Variants in PCNX1 observed in about 807,000 individuals in gnomAD.
PCNX1 encodes the protein pecanex 1.
A neutral mutation model predicts 242.2 loss-of-function variants in PCNX1; 78 were observed. The ratio of observed to expected loss-of-function variants is 0.32; its 90% CI spans 0.27 to 0.39. The LOEUF is 0.39. Among genes scored for constraint, PCNX1 ranks in the 10% least tolerant of loss-of-function variants. PCNX1 has a pLI of 1.00. For missense variants in PCNX1, 2,581 were observed against 2,856.5 expected (o/e 0.90, Z 2.20); for synonymous variants, 1,024 against 1,032.9 (o/e 0.99, Z 0.17).
intron 26 of PCNX1, among the ~76,000 whole-genome samples, chr14:71,063,934 T>A (rs2061384817): frequency 6.6e-6 from 1 of 152,192 alleles, no homozygotes; most frequent in Admixed American, 6.5e-5. Context: ...CAGAATTTTC[T>A]GATTACACTT....
Position 71,033,930 on chromosome 14 carries a change from G to A in PCNX1, c.3669-1G>A. 6.6e-7 allele frequency: 1 copy of A among 1,505,264 alleles called. No individual in the cohort carries two copies. Among genetic ancestry groups the A allele is most frequent in the Non-Finnish European group, 9.1e-7 (1 of 1,095,912 alleles). The allele number at this position is 1,505,264 out of a possible 1,614,324, so 93.2% of individuals were successfully genotyped here. A position where few individuals can be genotyped will look rare whatever the true frequency, so the allele number is the denominator to read the frequency against. ...TTCTGTTTTTTTTTCTTCACATAAA[G>A]CTCTTTAGTGCAATCCAAGATTTTT... On this transcript the variant is annotated splice_acceptor_variant, in intron 17 of 35. Coordinates refer to ENST00000304743, the MANE Select transcript of PCNX1 (RefSeq NM_014982.3). LOFTEE classifies it high-confidence loss of function.
chr14:70,987,340 A>G (rs1265575387), intron 6 of PCNX1, among the ~76,000 whole-genome samples: 11 of 152,338 alleles, frequency 7.2e-5, no homozygotes, highest in East Asian at 3.9e-4. Flanking sequence ...TGATTCATCA[A>G]TCTCAGGAAC....
At chr14:70,911,614 T>G (rs769528753) in intron 1 of PCNX1, among the ~76,000 whole-genome samples, 1 of 152,130 alleles carries the variant, frequency 6.6e-6, no homozygotes, top group Non-Finnish European at 1.5e-5. Flanking sequence ...AGATTGGAAT[T>G]AGTGTCTTGA....
chr14:71,047,133 C>A, intron 21 of PCNX1, 28 bp downstream of exon 21: 1 of 1,354,438 alleles, frequency 7.4e-7, no homozygotes, highest in South Asian at 1.5e-5. Flanking sequence ...CTAATATTGT[C>A]TGACTACTGG....
chr14:70,931,565 A>G (rs907832299), intron 1 of PCNX1, among the ~76,000 whole-genome samples: 1 of 152,260 alleles, frequency 6.6e-6, no homozygotes, highest in Non-Finnish European at 1.5e-5. Context: ...TGTCTAGGGC[A>G]TAAGGCATAC....
chr14:71,029,145 T>C (rs533462436), intron 16 of PCNX1, among the ~76,000 whole-genome samples: 3 of 152,234 alleles, frequency 2.0e-5, no homozygotes, highest in Admixed American at 2.0e-4. Context: ...ATTAGTTTTT[T>C]TAAACTTATA....
Position 71,070,232 on chromosome 14 carries a change from C to A in PCNX1, c.4853-3313C>A, listed in dbSNP as rs116332033. Among the ~76,000 whole-genome samples, 720 of 152,332 alleles carry A rather than the reference C, an allele frequency of 4.7e-3. 7 individuals are homozygous for A. Among genetic ancestry groups the A allele is most frequent in the African/African-American group, 0.017 (688 of 41,576 alleles). ...TCTCTTGCTATTCCTGCCATATCTG[C>A]AATTACTTCCACCACTGAAGTCTTG... On this transcript the variant is annotated intron_variant, in intron 26 of 35. Coordinates refer to ENST00000304743, the MANE Select transcript of PCNX1 (RefSeq NM_014982.3).
At position 71,046,956 on chromosome 14, in the gene PCNX1, CT is replaced by C. The variant is rs1566743611; in HGVS notation, c.4019-6del. 1 of 1,601,822 alleles carries C rather than the reference CT, an allele frequency of 6.2e-7. No individual in the cohort carries two copies. The highest frequency in any genetic ancestry group is 8.5e-7 in the Non-Finnish European group (1 of 1,174,038). On this transcript the variant is annotated splice_region_variant and splice_polypyrimidine_tract_variant and intron_variant, in intron 20 of 35. Coordinates refer to ENST00000304743, the MANE Select transcript of PCNX1 (RefSeq NM_014982.3). ...GACATGTAGTCTTGATTTATACTGC[CT>C]TGTTAGATGCAGCCACTATGATGTG...
At chr14:71,046,910 T>C (rs1202650345) in intron 20 of PCNX1, 54 bp from the exon 21 acceptor site, 5 of 1,439,792 alleles carry the variant, frequency 3.5e-6, no homozygotes, top group South Asian at 3.0e-5. Context: ...TCTCATCACA[T>C]TGACAAACTA....
chr14:71,054,236 A>G (rs1317406925), intron 24 of PCNX1, among the ~76,000 whole-genome samples: 1 of 152,242 alleles, frequency 6.6e-6, no homozygotes, highest in Non-Finnish European at 1.5e-5. Context: ...TATTACATCA[A>G]AATTCACTCA....
chr14:71,073,563 G>A lies in PCNX1; in HGVS notation c.4871G>A (p.Arg1624Gln). 1.2e-6 allele frequency: 2 copies of A among 1,611,314 alleles called. No homozygotes were observed. Among genetic ancestry groups the A allele is most frequent in the South Asian group, 2.2e-5 (2 of 90,452 alleles). The change falls in exon 27 of 36, where the codon CGG becomes CAG. Residue 1624 changes from arginine (R) to glutamine (Q), a missense_variant. Coordinates refer to ENST00000304743, the MANE Select transcript of PCNX1 (RefSeq NM_014982.3). Reference protein sequence around the residue: ...LEFRGTYCQQREVEAITEGVE... With the variant: ...LEFRGTYCQQQEVEAITEGVE... Reference sequence around the variant, plus strand: ...CTCTAAGGTACCTACTGTCAACAACGGGAAGTGGAGGCCATTACTGAAGGT... The same window carrying A: ...CTCTAAGGTACCTACTGTCAACAACAGGAAGTGGAGGCCATTACTGAAGGT...
intron 1 of PCNX1, among the ~76,000 whole-genome samples, chr14:70,924,963 A>G (rs1320420813): frequency 6.6e-6 from 1 of 151,964 alleles, no homozygotes; most frequent in Admixed American, 6.6e-5. Context: ...ATATTTGTAA[A>G]TAACAGTTTT....
Position 71,016,818 on chromosome 14 carries a change from C to T in PCNX1, c.2997-2191C>T, listed in dbSNP as rs1305394461. ...CTTCACCTTCCACTTGCTAGAAGAA[C>T]AAGAGCACATAAGCCCAAGTAAACA... On this transcript the variant is annotated intron_variant, in intron 11 of 35. Coordinates refer to ENST00000304743, the MANE Select transcript of PCNX1 (RefSeq NM_014982.3). 2.0e-5 allele frequency among the ~76,000 whole-genome samples: 3 copies of T among 152,118 alleles called. No homozygotes were observed. In the East Asian group the frequency reaches 5.8e-4, roughly 29 times the overall value.
chr14:71,032,436 G>C (rs557970079), intron 16 of PCNX1, among the ~76,000 whole-genome samples: 201 of 152,150 alleles, frequency 1.3e-3, no homozygotes, highest in Non-Finnish European at 2.3e-3. Flanking sequence ...AAATTGGGGG[G>C]TAATAGTACA....
chr14:71,098,411 C>A (rs2062359166), intron 30 of PCNX1, among the ~76,000 whole-genome samples: 1 of 151,924 alleles, frequency 6.6e-6, no homozygotes, highest in African/African-American at 2.4e-5. Flanking sequence ...AGTCCATAAG[C>A]ATGGAATGTT....
intron 2 of PCNX1, among the ~76,000 whole-genome samples, chr14:70,961,489 T>A (rs2058212009): frequency 6.6e-6 from 1 of 152,238 alleles, no homozygotes; most frequent in African/African-American, 2.4e-5. Flanking sequence ...CTGGATCACT[T>A]CCTTACACCT....
At chr14:71,040,072 A>G (rs1201553146) in intron 19 of PCNX1, among the ~76,000 whole-genome samples, 2 of 152,114 alleles carry the variant, frequency 1.3e-5, no homozygotes, top group Admixed American at 6.6e-5. Context: ...TTGGCATCCC[A>G]AAGTGCTAGG....
intron 5 of PCNX1, among the ~76,000 whole-genome samples, chr14:70,970,346 A>G (rs567960209): frequency 1.3e-5 from 2 of 152,288 alleles, no homozygotes; most frequent in South Asian, 4.1e-4. Context: ...AGCCTGGGCA[A>G]CAGAGGGAGA....
In PCNX1 at chr14:71,112,243, A is replaced by G. The variant is rs1035467619; in HGVS notation, c.*2308A>G. 1 of 152,170 alleles carries G rather than the reference A, an allele frequency of 6.6e-6. No homozygotes were observed. Among genetic ancestry groups the G allele is most frequent in the African/African-American group, 2.4e-5 (1 of 41,462 alleles). 9.4% of individuals were successfully genotyped at this position (152,170 alleles called of 1,614,324 possible). ...TTTAATTTCTAGCCCCTCCTCCAAA[A>G]AAATTTTAAACACATCACATACTCT... On this transcript the variant is annotated 3_prime_UTR_variant, in exon 36 of 36. Coordinates refer to ENST00000304743, the MANE Select transcript of PCNX1 (RefSeq NM_014982.3).
Sources: allele counts gnomAD v4.1 joint callset (sites outside exome capture counted in the v4.1 genomes callset), GRCh38; gene constraint gnomAD v4.1.1; transcripts MANE v1.5; gene names NCBI Gene and HGNC (gene_info 2026-07-23, HGNC 2026-07-21).